The following ANKRD28 variants were observed in gnomAD, a reference collection of about 807,000 sequenced individuals.
ANKRD28 encodes ankyrin repeat domain 28, also known as serine/threonine-protein phosphatase 6 regulatory ankyrin repeat subunit A.
A neutral mutation model predicts 126.5 loss-of-function variants in ANKRD28; 44 were observed. The observed-to-expected ratio is 0.35, with a 90% CI of 0.27 to 0.45. The LOEUF is 0.45. Ranked by LOEUF, ANKRD28 falls within the 20% of genes least tolerant of loss-of-function variation. ANKRD28 has a pLI of 1.00. For missense variants in ANKRD28, 1,110 were observed against 1,316.6 expected, an observed-to-expected ratio of 0.84 and a Z score of 2.43; for synonymous variants, 442 against 468.5, an observed-to-expected ratio of 0.94 and a Z score of 0.73.
At chr3:15,800,289 T>C (rs991744635), upstream of ANKRD28, among the ~76,000 whole-genome samples, 2 of 152,084 alleles carry the variant, frequency 1.3e-5, no homozygotes, top group African/African-American at 2.4e-5. Flanking sequence ...TGTGGTCAAA[T>C]TGCCTGAAGT....
chr3:15,692,898 T>G (rs916750506), intron 17 of ANKRD28, among the ~76,000 whole-genome samples: 1 of 152,184 alleles, frequency 6.6e-6, no homozygotes, highest in African/African-American at 2.4e-5. Flanking sequence ...AAGAAAAATG[T>G]GCTATATACA....
In ANKRD28 at chr3:15,854,532, A is replaced by G. The variant is rs1358964993; in HGVS notation, c.27+4845T>C. On this transcript the variant is annotated intron_variant, in intron 1 of 27. Coordinates refer to the ANKRD28 transcript ENST00000399451. This position sits in a 1 kb window ranked among gnomAD's most constrained non-coding sequence, Gnocchi z 4.1. ...TCACCAGGTTCTATTTTGTATTGCA[A>G]AAGGTATCCAAAAAGTGAGGAAACA... Among the ~76,000 whole-genome samples, 1 of 152,156 alleles carries G rather than the reference A, an allele frequency of 6.6e-6. No homozygotes were observed. The highest frequency in any genetic ancestry group is 1.5e-5 in the Non-Finnish European group (1 of 68,042).
intron 8 of ANKRD28, among the ~76,000 whole-genome samples, chr3:15,715,966 T>C (rs1176500933): frequency 1.3e-5 from 2 of 152,000 alleles, no homozygotes; most frequent in Non-Finnish European, 1.5e-5. Context: ...TTAATGTTAA[T>C]ATTTTAGCTA....
At chr3:15,786,886 T>A (rs1199613932) in intron 2 of ANKRD28, among the ~76,000 whole-genome samples, 3 of 152,136 alleles carry the variant, frequency 2.0e-5, no homozygotes, top group Non-Finnish European at 1.5e-5. Context: ...CTTTAAATAC[T>A]GAACCTAGAG....
At chr3:15,751,637 G>A (rs1391618188) in intron 4 of ANKRD28, 113 bp downstream of exon 4, 2 of 718,644 alleles carry the variant, frequency 2.8e-6, no homozygotes, top group Non-Finnish European at 4.7e-6. Flanking sequence ...GACCAGTCAA[G>A]GTATCTCAGT....
chr3:15,859,118 G>C (rs142205199), intron 1 of ANKRD28, among the ~76,000 whole-genome samples: 1 of 152,194 alleles, frequency 6.6e-6, no homozygotes, highest in Non-Finnish European at 1.5e-5. Context: ...CGCGAGGGCG[G>C]TGAGCGTGGA....
intron 1 of ANKRD28, among the ~76,000 whole-genome samples, chr3:15,826,180 T>C (rs551873315): frequency 1.0e-3 from 155 of 152,316 alleles, no homozygotes; most frequent in African/African-American, 3.4e-3. Context: ...GATACCTAAC[T>C]ATAGAAAGTT....
intron 17 of ANKRD28, among the ~76,000 whole-genome samples, chr3:15,692,257 C>A (rs1210594245): frequency 2.6e-5 from 4 of 151,834 alleles, no homozygotes. Flanking sequence ...TTGAGACTAG[C>A]CTGGGCAACA....
intron 12 of ANKRD28, among the ~76,000 whole-genome samples, chr3:15,710,408 G>A (rs1171806940): frequency 2.0e-5 from 3 of 152,150 alleles, no homozygotes; most frequent in Admixed American, 6.6e-5. Flanking sequence ...GGCAAGTTAC[G>A]TGGAAGTTAG....
chr3:15,721,821 C>T (rs1490765533), intron 7 of ANKRD28, among the ~76,000 whole-genome samples: 6 of 152,050 alleles, frequency 3.9e-5, no homozygotes, highest in African/African-American at 1.4e-4. Context: ...CTCAGCTCAC[C>T]GAAACCTCTG....
chr3:15,773,569 G>A (rs2125623520), intron 2 of ANKRD28, among the ~76,000 whole-genome samples: 1 of 152,084 alleles, frequency 6.6e-6, no homozygotes, highest in South Asian at 2.1e-4. Context: ...AGGTTGCAGT[G>A]AGCCAAGACT....
At chr3:15,847,930 C>G (rs2061561647) in intron 1 of ANKRD28, among the ~76,000 whole-genome samples, 1 of 152,204 alleles carries the variant, frequency 6.6e-6, no homozygotes, top group South Asian at 2.1e-4. Context: ...GAACTCAGCA[C>G]ACAGGATCTT....
At chr3:15,681,405 A>G (rs1274097928) in intron 21 of ANKRD28, among the ~76,000 whole-genome samples, 1 of 152,218 alleles carries the variant, frequency 6.6e-6, no homozygotes, top group Non-Finnish European at 1.5e-5. Flanking sequence ...AGTAACTTCA[A>G]AAACAGAAAA....
chr3:15,685,360 G>C lies in ANKRD28; in HGVS notation c.2255C>G (p.Pro752Arg). ...CLLRDSRGRT[P>R]IHLSAACGHI... The stretch of plus-strand genomic sequence containing the variant: ...TCCACAGGCAGCAGACAGGTGTATA[G>C]GCGTCCGGCCCCTGCTATCCCGAAG... Residue 752 changes from proline to arginine, a missense_variant, in exon 21 of 28, where the codon CCT (proline) becomes CGT (arginine). Transcript: ENST00000683139. 1 of 1,614,008 alleles carries C rather than the reference G, an allele frequency of 6.2e-7. No individual in the cohort carries two copies. Among genetic ancestry groups the C allele is most frequent in the Non-Finnish European group, 8.5e-7 (1 of 1,179,872 alleles).
Position 15,720,936 on chromosome 3 carries a change from A to C in ANKRD28, c.975T>G (p.Asn325Lys), listed in dbSNP as rs2073662371. 1.2e-6 allele frequency: 2 copies of C among 1,613,690 alleles called. No homozygotes were observed. The highest frequency in any genetic ancestry group is 1.7e-6 in the Non-Finnish European group (2 of 1,179,730). The stretch of plus-strand genomic sequence containing the variant: ...TTACCTTCATATTGACATCGGCCCC[A>C]TTGCCAACTAGAAGCTCTAAACACA... The part of the protein sequence containing the change: ...GALCLELLVG[N>K]GADVNMKSKD... Residue 325 changes from asparagine (N) to lysine (K), a missense_variant, in exon 8 of 28, where the codon AAT (asparagine) becomes AAG (lysine). Transcript: ENST00000683139.
At chr3:15,767,680 C>A (rs1176920723) in intron 2 of ANKRD28, among the ~76,000 whole-genome samples, 4 of 102,644 alleles carry the variant, frequency 3.9e-5, no homozygotes, top group African/African-American at 1.5e-4. Context: ...CTGGCTAACA[C>A]AATGAAACCT....
At chr3:15,820,256 A>G (rs2060914725) in intron 1 of ANKRD28, among the ~76,000 whole-genome samples, 1 of 152,164 alleles carries the variant, frequency 6.6e-6, no homozygotes, top group African/African-American at 2.4e-5. Flanking sequence ...TCAACCTATA[A>G]TACACATGGC....
At chr3:15,769,175 G>C (rs1224903110) in intron 2 of ANKRD28, among the ~76,000 whole-genome samples, 1 of 152,104 alleles carries the variant, frequency 6.6e-6, no homozygotes, top group Non-Finnish European at 1.5e-5. Flanking sequence ...GTGTGTGAGG[G>C]ATGTCTGGAA....
At chr3:15,808,485 CTT>C (rs1388451123) in intron 1 of ANKRD28, among the ~76,000 whole-genome samples, 15 of 152,146 alleles carry the variant, frequency 9.9e-5, no homozygotes, top group Non-Finnish European at 1.9e-4. Context: ...GTATTTTCAA[CTT>C]TTTCTCTATG....
Sources: gnomAD v4.1 joint callset for allele counts (sites outside exome capture counted in the v4.1 genomes callset) on GRCh38, gnomAD v4.1.1 for gene constraint, Gnocchi (gnomAD v3.1) non-coding constraint, MANE v1.5 for transcripts, NCBI Gene and HGNC (gene_info 2026-07-23, HGNC 2026-07-21) for gene names.